Variants in PRIM2 observed in about 807,000 individuals in gnomAD.
The protein encoded by PRIM2 is DNA primase subunit 2.
A neutral mutation model predicts 67.3 loss-of-function variants in PRIM2; 39 were observed. The ratio of observed to expected loss-of-function variants is 0.58; its 90% confidence interval spans 0.45 to 0.76. The LOEUF (loss-of-function observed/expected upper bound fraction) is 0.76, where lower values mean the gene tolerates loss of function less well. Ranked by LOEUF, PRIM2 falls within the 30% of genes least tolerant of loss-of-function variation. The pLI is 0.00. For synonymous variants in PRIM2, 143 were observed against 198.7 expected (o/e 0.72, Z 2.36); for missense variants, 398 against 598.7 (o/e 0.66, Z 3.50).
chr6:57,644,153 G>A (rs1245516677), intron 13 of PRIM2, among the ~76,000 whole-genome samples: 5 of 152,106 alleles, frequency 3.3e-5, no homozygotes, highest in African/African-American at 7.2e-5. Flanking sequence ...GGCTCTCTCA[G>A]GCTGGCCCCT....
At chr6:57,223,918 A>G in the PRIM2 span, among the ~76,000 whole-genome samples, 39 of 152,346 alleles carry the variant, frequency 2.6e-4, 1 homozygote, top group East Asian at 7.3e-3. Flanking sequence ...TGTATGGTTC[A>G]TCAGAACATT....
chr6:57,366,504 G>A (rs1684864127), intron 5 of PRIM2, among the ~76,000 whole-genome samples: 1 of 152,152 alleles, frequency 6.6e-6, no homozygotes. Context: ...ATTGTGCTGT[G>A]ATCGTGGGAG....
chr6:57,385,293 C>T (rs1225970638), intron 7 of PRIM2, among the ~76,000 whole-genome samples: 1 of 152,184 alleles, frequency 6.6e-6, no homozygotes, highest in African/African-American at 2.4e-5. Context: ...TTCTTCTTCA[C>T]TTCTTTCTAC....
At chr6:57,610,443 A>G (rs1776647443) in intron 12 of PRIM2, among the ~76,000 whole-genome samples, 6 of 151,968 alleles carry the variant, frequency 3.9e-5, no homozygotes, top group Non-Finnish European at 8.8e-5. Flanking sequence ...GGTGTTGCTG[A>G]TTTTTTTTAT....
chr6:57,493,387 T>G (rs1307861179), intron 7 of PRIM2, among the ~76,000 whole-genome samples: 4 of 152,236 alleles, frequency 2.6e-5, no homozygotes, highest in Non-Finnish European at 5.9e-5. Flanking sequence ...AGTGGCAACT[T>G]ATGGCAAATA....
At chr6:57,393,884 A>G (rs1770439653) in intron 7 of PRIM2, among the ~76,000 whole-genome samples, 1 of 151,674 alleles carries the variant, frequency 6.6e-6, no homozygotes, top group African/African-American at 2.4e-5. Flanking sequence ...ACATGTGGCT[A>G]GCCAATTATC....
At chr6:57,257,888 A>C in the PRIM2 span, among the ~76,000 whole-genome samples, 1 of 152,132 alleles carries the variant, frequency 6.6e-6, no homozygotes, top group South Asian at 2.1e-4. Context: ...ATATTTCTAG[A>C]TATCCCAAGG....
intron 10 of PRIM2, among the ~76,000 whole-genome samples, chr6:57,543,752 T>TC (rs1379844829): frequency 6.6e-6 from 1 of 152,192 alleles, no homozygotes; most frequent in African/African-American, 2.4e-5. Flanking sequence ...TGCAGGCATT[T>TC]TTTTTTTTAA....
chr6:57,449,775 A>G (rs1482260561), intron 7 of PRIM2, among the ~76,000 whole-genome samples: 1 of 152,154 alleles, frequency 6.6e-6, no homozygotes, highest in Non-Finnish European at 1.5e-5. Flanking sequence ...TGGAAAGAAA[A>G]TGTTAATTTA....
the PRIM2 span, among the ~76,000 whole-genome samples, chr6:57,234,909 A>G: frequency 1.4e-3 from 215 of 152,320 alleles, 2 homozygotes; most frequent in African/African-American, 4.9e-3. Context: ...ACAGTGGTTT[A>G]TGCCTGTCAT....
chr6:57,410,692 A>AT (rs1341769674), intron 7 of PRIM2, among the ~76,000 whole-genome samples: 1 of 151,300 alleles, frequency 6.6e-6, no homozygotes, highest in East Asian at 1.9e-4. Context: ...ATATAGTTTT[A>AT]TTTTTTTTCT....
chr6:57,294,037 T>A, the PRIM2 span, among the ~76,000 whole-genome samples: 1 of 152,224 alleles, frequency 6.6e-6, no homozygotes. Flanking sequence ...TAGTTTAATG[T>A]CTTATAATTA....
intron 10 of PRIM2, among the ~76,000 whole-genome samples, chr6:57,558,234 A>C (rs1775554588): frequency 6.6e-6 from 1 of 152,218 alleles, no homozygotes; most frequent in African/African-American, 2.4e-5. Flanking sequence ...GATACATAGC[A>C]AATGATCAAT....
At chr6:57,604,348 A>C (rs1254751414) in intron 11 of PRIM2, among the ~76,000 whole-genome samples, 1 of 152,198 alleles carries the variant, frequency 6.6e-6, no homozygotes, top group East Asian at 1.9e-4. Flanking sequence ...GTCATTGATT[A>C]ATTCCAGGAG....
chr6:57,373,448 TTTAGTTTAATTGGA>T (rs1769636563), intron 5 of PRIM2, among the ~76,000 whole-genome samples: 1 of 152,184 alleles, frequency 6.6e-6, no homozygotes, highest in Non-Finnish European at 1.5e-5. Context: ...GCAGAAGCTC[TTTAGTTTAATTGGA>T]TCCCATGTGT....
chr6:57,606,125 T>C (rs1418509704), intron 11 of PRIM2, among the ~76,000 whole-genome samples: 2 of 152,250 alleles, frequency 1.3e-5, no homozygotes, highest in Admixed American at 1.3e-4. Flanking sequence ...TCCTGTTGAA[T>C]GGACATCTTA....
rs1230449658 is a variant in PRIM2, at chr6:57,519,738, C to A, written c.761+12284C>A. Among the ~76,000 whole-genome samples, 1,214 of 152,264 alleles carry A rather than the reference C, an allele frequency of 8.0e-3. 5 individuals are homozygous for A. Among genetic ancestry groups the A allele is most frequent in the Non-Finnish European group, 0.013 (870 of 68,024 alleles). On this transcript the variant is annotated intron_variant, in intron 8 of 13. Coordinates refer to ENST00000615550, the MANE Select transcript of PRIM2 (RefSeq NM_000947.5). Reference sequence around the variant, plus strand: ...ATTAAGAGATTAAAGTAAAGACAGGCATAGGAAATCACAAGGGTATTGATT... The same window carrying A: ...ATTAAGAGATTAAAGTAAAGACAGGAATAGGAAATCACAAGGGTATTGATT...
chr6:57,292,207 C>A, the PRIM2 span, among the ~76,000 whole-genome samples: 1 of 152,128 alleles, frequency 6.6e-6, no homozygotes, highest in Non-Finnish European at 1.5e-5. Flanking sequence ...CAATAACAGA[C>A]AAACGGACAG....
the PRIM2 span, among the ~76,000 whole-genome samples, chr6:57,239,563 C>A: frequency 1.3e-5 from 2 of 151,914 alleles, no homozygotes; most frequent in Non-Finnish European, 2.9e-5. Flanking sequence ...GGCGAGACCC[C>A]AAATCCCATC....
Sources: allele counts gnomAD v4.1 joint callset (sites outside exome capture counted in the v4.1 genomes callset), GRCh38; gene constraint gnomAD v4.1.1; transcripts MANE v1.5; gene names NCBI Gene and HGNC (gene_info 2026-07-23, HGNC 2026-07-21).